The following SYK variants were observed in gnomAD, a reference collection of about 807,000 sequenced individuals.
The protein encoded by SYK is tyrosine-protein kinase SYK.
In SYK, 16 loss-of-function variants were observed where a neutral mutation model predicts 77.8. That is an observed-to-expected ratio of 0.21 (90% CI 0.14 to 0.31). The LOEUF (loss-of-function observed/expected upper bound fraction) is 0.31, where lower values mean the gene tolerates loss of function less well. SYK is among the 10% of genes least tolerant of loss of function. The pLI, the probability that SYK is intolerant of heterozygous loss-of-function variation, is 1.00. For synonymous variants in SYK, 312 were observed against 308.7 expected (o/e 1.01, Z -0.11); for missense variants, 529 against 814.4 (o/e 0.65, Z 4.26).
At chr9:90,836,964 T>C (rs1394338411) in intron 1 of SYK, among the ~76,000 whole-genome samples, 1 of 152,362 alleles carries the variant, frequency 6.6e-6, no homozygotes, top group Non-Finnish European at 1.5e-5. Context: ...ACATATATTC[T>C]ATTCCTTATG....
In SYK at chr9:90,884,476, C is replaced by CAT. The variant is rs1218544215; in HGVS notation, c.1582-3271_1582-3270dup. ...ACATACACATATGTGTGTACATATA[C>CAT]ATACACACACATACACATATGTGTA... On this transcript the variant is annotated intron_variant, in intron 11 of 13. Coordinates refer to ENST00000375754, the MANE Select transcript of SYK (RefSeq NM_003177.7). Among the ~76,000 whole-genome samples, 161 of 32,598 alleles carry CAT rather than the reference C, an allele frequency of 4.9e-3. 75 individuals are homozygous for CAT. The East Asian group carries it at 0.074, about 15-fold the overall frequency. 21.4% of individuals were successfully genotyped at this position (32,598 alleles called of 152,430 possible).
In SYK at chr9:90,896,024, A is replaced by G. The variant is rs1828969865; in HGVS notation, c.*424A>G. 4.1e-6 allele frequency: 1 copy of G among 241,028 alleles called. No homozygotes were observed. The highest frequency in any genetic ancestry group is 1.6e-4 in the South Asian group (1 of 6,100). The allele number at this position is 241,028 out of a possible 1,614,324, so 14.9% of individuals were successfully genotyped here. A position where few individuals can be genotyped will look rare whatever the true frequency, so the allele number is the denominator to read the frequency against. ...TCCAAATGCCCAAGGATGCCTTAGCATGTGACTCCTGAAGGGAAGGCAAAG... is the reference window on the plus strand; with the variant it reads ...TCCAAATGCCCAAGGATGCCTTAGCGTGTGACTCCTGAAGGGAAGGCAAAG... On this transcript the variant is annotated 3_prime_UTR_variant, in exon 14 of 14. Transcript: ENST00000375754.
chr9:90,821,809 AC>A (rs948356598), intron 1 of SYK, among the ~76,000 whole-genome samples: 1 of 151,968 alleles, frequency 6.6e-6, no homozygotes, highest in Non-Finnish European at 1.5e-5. Flanking sequence ...TGTTTAGAGT[AC>A]CCCCAGCTGA....
At chr9:90,826,007 G>C (rs553022343) in intron 1 of SYK, among the ~76,000 whole-genome samples, 1 of 152,298 alleles carries the variant, frequency 6.6e-6, no homozygotes, top group East Asian at 1.9e-4. Context: ...GGAACCCTAA[G>C]AATTTTCATA....
In SYK at chr9:90,878,709, T is replaced by C; in HGVS notation, c.1392-55T>C. On this transcript the variant is annotated intron_variant, in intron 10 of 13. Transcript: ENST00000375754. Reference sequence around the variant, plus strand: ...TGCCTGCGTGAGGAGCATGGTTGTTTGTTGTGAAATGGGTCACTGTCTGTT... The same window carrying C: ...TGCCTGCGTGAGGAGCATGGTTGTTCGTTGTGAAATGGGTCACTGTCTGTT... The C allele has an allele frequency of 2.0e-6, 3 of 1,482,706 alleles. No individual in the cohort carries two copies. The South Asian group carries it at 3.6e-5, about 18-fold the overall frequency. 91.8% of individuals were successfully genotyped at this position (1,482,706 alleles called of 1,614,324 possible).
chr9:90,804,016 CA>C (rs5899104), intron 1 of SYK, among the ~76,000 whole-genome samples: 41,591 of 140,352 alleles, frequency 0.3, 5,933 homozygotes, highest in Middle Eastern at 0.44. Flanking sequence ...TAAGACTTAC[CA>C]AAAAAAAAAA....
At chr9:90,859,540 T>A (rs1035122541) in intron 3 of SYK, among the ~76,000 whole-genome samples, 1 of 152,238 alleles carries the variant, frequency 6.6e-6, no homozygotes, top group East Asian at 1.9e-4. Flanking sequence ...CAGTTTTTGA[T>A]AAGCACAGAT....
intron 7 of SYK, among the ~76,000 whole-genome samples, chr9:90,871,811 A>G (rs994600016): frequency 2.6e-5 from 4 of 152,140 alleles, no homozygotes; most frequent in Non-Finnish European, 5.9e-5. Context: ...GAGAGACATG[A>G]GGGTTCTTTG....
In SYK at chr9:90,860,449, TGTTG is replaced by T. The variant is rs1317161167; in HGVS notation, c.579-1756_579-1753del. Among the ~76,000 whole-genome samples the T allele has an allele frequency of 1.3e-3, 195 of 152,290 alleles. 3 individuals are homozygous for T. The East Asian group carries it at 0.032, about 25-fold the overall frequency. ...TACCATGTGGTTTTTTGTTGTGTTG[TGTTG>T]TGTTGTATTTAACAGTCACCAACTG... On this transcript the variant is annotated intron_variant, in intron 3 of 13. Transcript: ENST00000375754.
chr9:90,885,405 A>T (rs1284124758), intron 11 of SYK, among the ~76,000 whole-genome samples: 2 of 152,190 alleles, frequency 1.3e-5, no homozygotes, highest in African/African-American at 4.8e-5. Context: ...CCCAAACTCC[A>T]CCAATAGACT....
intron 3 of SYK, among the ~76,000 whole-genome samples, chr9:90,860,045 A>G (rs913628020): frequency 6.6e-6 from 1 of 152,136 alleles, no homozygotes; most frequent in African/African-American, 2.4e-5. Flanking sequence ...CTGGAGTGCC[A>G]TGGTGCAGTC....
Position 90,883,622 on chromosome 9 carries a change from G to A in SYK, c.1582-4127G>A, listed in dbSNP as rs965342454. Among the ~76,000 whole-genome samples, 6 of 152,082 alleles carry A rather than the reference G, an allele frequency of 3.9e-5. No homozygotes were observed. In the South Asian group the frequency reaches 1.0e-3, roughly 26 times the overall value. ...TCCCTGCGTATCACAGCCAGCAGCT[G>A]AATGCACCACCAGGGAGCCTGAGCA... On this transcript the variant is annotated intron_variant, in intron 11 of 13. Transcript: ENST00000375754.
rs1403794624 is a variant in SYK at position 90,884,756 on chromosome 9, T to TATGTGTACATGCACATATACAC, written c.1582-2968_1582-2947dup. Among the ~76,000 whole-genome samples the TATGTGTACATGCACATATACAC allele has an allele frequency of 2.7e-4, 9 of 33,668 alleles. 2 individuals are homozygous for TATGTGTACATGCACATATACAC. The highest frequency in any genetic ancestry group is 2.2e-3 in the Admixed American group (7 of 3,112). The allele number at this position is 33,668 out of a possible 152,430, so 22.1% of individuals were successfully genotyped here. ...ACATGTACATATACACATATACACA[T>TATGTGTACATGCACATATACAC]ATGTGTACATGCACATATACACATG... On this transcript the variant is annotated intron_variant, in intron 11 of 13. Transcript: ENST00000375754.
At chr9:90,869,109 T>G (rs897297246) in intron 7 of SYK, among the ~76,000 whole-genome samples, 1 of 152,202 alleles carries the variant, frequency 6.6e-6, no homozygotes, top group African/African-American at 2.4e-5. Flanking sequence ...GCTGGTTGCC[T>G]CTGGAGTAAG....
chr9:90,888,753 A>G, intron 13 of SYK, 126 bp downstream of exon 13: 1 of 711,390 alleles, frequency 1.4e-6, no homozygotes, highest in Non-Finnish European at 2.2e-6. Flanking sequence ...TTTCTAAACA[A>G]ACAACGGTGG....
rs549075752 is a variant in SYK, at chr9:90,824,857, C to G, written c.-41-19001C>G. ...TCTTACCACTCTGTTCAACATCCTA[C>G]TGGGAGCCCTAGCTAGTGCAAGAAA... On this transcript the variant is annotated intron_variant, in intron 1 of 13. Coordinates refer to ENST00000375754, the MANE Select transcript of SYK (RefSeq NM_003177.7). Among the ~76,000 whole-genome samples, 13 of 152,108 alleles carry G rather than the reference C, an allele frequency of 8.5e-5. 1 individual carries two copies. In the Middle Eastern group the frequency reaches 0.028, roughly 323 times the overall value.
chr9:90,897,667 C>T lies in SYK; in HGVS notation c.*2067C>T. 4.4e-6 allele frequency: 1 copy of T among 225,464 alleles called. No homozygotes were observed. Among genetic ancestry groups the T allele is most frequent in the East Asian group, 6.4e-5 (1 of 15,642 alleles). 14.0% of individuals were successfully genotyped at this position (225,464 alleles called of 1,614,324 possible). A position where few individuals can be genotyped will look rare whatever the true frequency, so the allele number is the denominator to read the frequency against. On this transcript the variant is annotated 3_prime_UTR_variant, in exon 14 of 14. Coordinates refer to ENST00000375754, the MANE Select transcript of SYK (RefSeq NM_003177.7). ...CCTTTTTATCAGCACTTCTCCCCTC[C>T]CAGGAGCCTGGGGATGCCAAACATC... is the stretch of plus-strand genomic sequence containing the variant.
chr9:90,878,792 C>G lies in SYK; in HGVS notation c.1420C>G (p.Leu474Val). ...TGTCAAGGATAAGAACATCATAGAA[C>G]TGGTTCATCAGGTTTCCATGGGCAT... ...RHVKDKNIIE[L>V]VHQVSMGMKY... The change falls in exon 11 of 14, where the codon CTG (leucine) becomes GTG (valine). Residue 474 changes from leucine (L) to valine (V), a missense_variant. Coordinates refer to ENST00000375754, the MANE Select transcript of SYK (RefSeq NM_003177.7). 6.2e-7 allele frequency: 1 copy of G among 1,613,498 alleles called. No homozygotes were observed. The highest frequency in any genetic ancestry group is 8.5e-7 in the Non-Finnish European group (1 of 1,179,480).
chr9:90,859,522 G>A (rs1390836087), intron 3 of SYK, among the ~76,000 whole-genome samples: 4 of 152,188 alleles, frequency 2.6e-5, no homozygotes, highest in Non-Finnish European at 5.9e-5. Flanking sequence ...GGTCACTTAC[G>A]TTGTGTGCAG....
Sources: gnomAD v4.1 joint callset for allele counts (sites outside exome capture counted in the v4.1 genomes callset) on GRCh38, gnomAD v4.1.1 for gene constraint, MANE v1.5 for transcripts, NCBI Gene and HGNC (gene_info 2026-07-23, HGNC 2026-07-21) for gene names.